ZNF343: variants seen among roughly 807,000 people sequenced by gnomAD.
The protein encoded by ZNF343 is zinc finger protein 343.
Under a neutral mutation model 13.8 loss-of-function variants are expected in ZNF343, and 11 were observed. That is an observed-to-expected ratio of 0.80 (90% CI 0.50 to 1.32). The LOEUF is 1.32. Ranked by LOEUF, ZNF343 falls within the 40% of genes most tolerant of loss-of-function variation. The pLI is 0.00. For missense variants in ZNF343, 658 were observed against 714.2 expected, an observed-to-expected ratio of 0.92 and a Z score of 0.90; for synonymous variants, 248 against 260.0, an observed-to-expected ratio of 0.95 and a Z score of 0.44.
chr20:2,511,550 G>A (rs117966137), upstream of ZNF343, among the ~76,000 whole-genome samples: 8 of 152,276 alleles, frequency 5.3e-5, no homozygotes, highest in East Asian at 9.6e-4. Context: ...TATTCATCAC[G>A]TGAATAAAAT....
rs1369098373 is a variant in ZNF343, at chr20:2,481,826, T to G, written c.*1335A>C. The G allele has an allele frequency of 6.6e-6, 1 of 152,262 alleles. No individual in the cohort carries two copies. Among genetic ancestry groups the G allele is most frequent in the Non-Finnish European group, 1.5e-5 (1 of 68,056 alleles). 9.4% of individuals were successfully genotyped at this position (152,262 alleles called of 1,614,324 possible). On this transcript the variant is annotated 3_prime_UTR_variant, in exon 6 of 6. Transcript: ENST00000278772. The stretch of plus-strand genomic sequence containing the variant: ...TAAAACAAGTTGATCATTTTTTGAT[T>G]ACTTAAATAAAGCCTGCTTTTTTAT...
At position 2,493,198 on chromosome 20, in the gene ZNF343, C is replaced by T. The variant is rs79432890; in HGVS notation, c.177+321G>A. On this transcript the variant is annotated intron_variant, in intron 4 of 5. Transcript: ENST00000278772. ...GCAGAAGGAACAAAAGCATCATGGA[C>T]TTGGGGCTTGTGCTGGGCAGTAGGG... Among the ~76,000 whole-genome samples, 585 of 152,140 alleles carry T rather than the reference C, an allele frequency of 3.8e-3. 9 individuals carry two copies. Among genetic ancestry groups the T allele is most frequent in the African/African-American group, 0.014 (561 of 41,480 alleles).
At chr20:2,487,044 G>A (rs2085292322) in intron 5 of ZNF343, among the ~76,000 whole-genome samples, 1 of 152,228 alleles carries the variant, frequency 6.6e-6, no homozygotes, top group Non-Finnish European at 1.5e-5. Flanking sequence ...AACAGGCAGT[G>A]AGACAGATTT....
chr20:2,499,993 A>AT (rs1365906982), intron 2 of ZNF343, among the ~76,000 whole-genome samples: 1 of 152,198 alleles, frequency 6.6e-6, no homozygotes, highest in African/African-American at 2.4e-5. Flanking sequence ...TGGTAATATT[A>AT]TGGTTACATT....
upstream of ZNF343, among the ~76,000 whole-genome samples, chr20:2,524,925 A>G (rs537542802): frequency 1.3e-5 from 2 of 152,274 alleles, no homozygotes; most frequent in South Asian, 4.2e-4. Context: ...CCAGACGCCA[A>G]GGTCCCGGCT....
chr20:2,483,607 G>C lies in ZNF343; in HGVS notation c.1354C>G (p.Leu452Val), dbSNP rs1371972064. Reference protein sequence around the residue: ...CGRGFCDKSTLIIHERTHSGE... With the variant: ...CGRGFCDKSTVIIHERTHSGE... ...GAGTGCGTCCGCTCGTGTATGATGA[G>C]GGTTGACTTGTCACAAAAGCCTCGC... Residue 452 changes from leucine to valine, a missense_variant, in exon 6 of 6, where the codon CTC (leucine) becomes GTC (valine). Leu to Val is a conservative substitution (Grantham distance 32, BLOSUM62 1). Coordinates refer to ENST00000278772, the MANE Select transcript of ZNF343 (RefSeq NM_024325.6). The C allele has an allele frequency of 5.6e-6, 9 of 1,613,506 alleles. No individual in the cohort carries two copies. The highest frequency in any genetic ancestry group is 7.6e-6 in the Non-Finnish European group (9 of 1,179,794).
intron 2 of ZNF343, among the ~76,000 whole-genome samples, chr20:2,494,346 G>A (rs935064538): frequency 1.3e-5 from 2 of 152,132 alleles, no homozygotes; most frequent in East Asian, 3.9e-4. Context: ...CTGAGTCAGA[G>A]AGAAGACAGA....
At chr20:2,498,225 G>A (rs1174308786) in intron 2 of ZNF343, among the ~76,000 whole-genome samples, 1 of 152,110 alleles carries the variant, frequency 6.6e-6, no homozygotes, top group Non-Finnish European at 1.5e-5. Flanking sequence ...GCGTGGTGGC[G>A]CATGCCTATA....
At chr20:2,494,641 C>T (rs567243566) in intron 2 of ZNF343, among the ~76,000 whole-genome samples, 95 of 152,056 alleles carry the variant, frequency 6.2e-4, no homozygotes, top group Non-Finnish European at 1.3e-3. Context: ...TGGTGGTGTG[C>T]GCCTGTAGTC....
intron 1 of ZNF343, among the ~76,000 whole-genome samples, chr20:2,514,827 T>A (rs2085752264): frequency 6.6e-6 from 1 of 151,786 alleles, no homozygotes; most frequent in Non-Finnish European, 1.5e-5. Context: ...ACTAAGAATA[T>A]TAATACAAAA....
rs573511157 is a variant in ZNF343 at position 2,508,839 on chromosome 20, G to A, written c.-237+42C>T. On this transcript the variant is annotated intron_variant, in intron 1 of 5. Coordinates refer to ENST00000278772, the MANE Select transcript of ZNF343 (RefSeq NM_024325.6). The surrounding 1 kb of genome is among the most constrained non-coding windows in gnomAD (Gnocchi z 4.5). Reference sequence around the variant, plus strand: ...TCCCGACCCTCCTTTCCCCACGAGAGAGGGCATCCTGGGGCCAAGGAGCCG... The same window carrying A: ...TCCCGACCCTCCTTTCCCCACGAGAAAGGGCATCCTGGGGCCAAGGAGCCG... The A allele has an allele frequency of 6.6e-6, 1 of 152,400 alleles. No individual in the cohort carries two copies. The highest frequency in any genetic ancestry group is 1.9e-4 in the East Asian group (1 of 5,168). The allele number at this position is 152,400 out of a possible 1,614,324, so 9.4% of individuals were successfully genotyped here.
rs368796053 is a variant in ZNF343, at chr20:2,484,452, C to G, written c.509G>C (p.Gly170Ala). ...HVSCWFENAEGQERGGGSKPW... is the reference protein window; with the variant it reads ...HVSCWFENAEAQERGGGSKPW... ...TTTGGAGCCACCTCCTCTCTCCTGA[C>G]CTTCTGCATTTTCAAACCAACAGCT... Residue 170 changes from glycine to alanine, a missense_variant, in exon 6 of 6, where the codon GGT (glycine) becomes GCT (alanine). Physicochemically the swap from Gly to Ala is moderately conservative, Grantham distance 60. Coordinates refer to ENST00000278772, the MANE Select transcript of ZNF343 (RefSeq NM_024325.6). The G allele has an allele frequency of 2.7e-5, 44 of 1,614,212 alleles. 1 individual carries two copies. In the South Asian group the frequency reaches 4.4e-4, roughly 16 times the overall value.
At position 2,483,100 on chromosome 20, in the gene ZNF343, A is replaced by G; in HGVS notation, c.*61T>C. ...TCCCCATGTGTCTCTCTGGGGTAACATGAGGCTTGACTGGTCACTCAGGTC... is the reference window on the plus strand; with the variant it reads ...TCCCCATGTGTCTCTCTGGGGTAACGTGAGGCTTGACTGGTCACTCAGGTC... On this transcript the variant is annotated 3_prime_UTR_variant, in exon 6 of 6. Transcript: ENST00000278772. The G allele has an allele frequency of 6.5e-7, 1 of 1,537,346 alleles. No individual in the cohort carries two copies. The highest frequency in any genetic ancestry group is 2.0e-5 in the Admixed American group (1 of 50,212).
At chr20:2,506,495 C>T (rs1347998589) in intron 1 of ZNF343, among the ~76,000 whole-genome samples, 12 of 148,234 alleles carry the variant, frequency 8.1e-5, no homozygotes, top group East Asian at 3.9e-4. Context: ...CACATGCACA[C>T]GTATGTTTAT....
At chr20:2,513,209 A>G (rs1600082607), upstream of ZNF343, among the ~76,000 whole-genome samples, 1 of 152,232 alleles carries the variant, frequency 6.6e-6, no homozygotes, top group Admixed American at 6.5e-5. Flanking sequence ...TGCAAATCAT[A>G]TATCTGATAA....
intron 3 of ZNF343, 91 bp downstream of exon 3, chr20:2,493,687 C>T: frequency 2.2e-6 from 3 of 1,387,462 alleles, no homozygotes; most frequent in South Asian, 2.3e-5. Flanking sequence ...GAAGTAGTCA[C>T]TTAACTCAGA....
chr20:2,520,967 C>T (rs187245652), intron 1 of ZNF343, among the ~76,000 whole-genome samples: 3 of 152,276 alleles, frequency 2.0e-5, no homozygotes, highest in Admixed American at 6.5e-5. Flanking sequence ...AGGGAGGAAG[C>T]TTCTGGAGTG....
At chr20:2,490,235 C>T (rs1360159350) in intron 5 of ZNF343, among the ~76,000 whole-genome samples, 1 of 152,010 alleles carries the variant, frequency 6.6e-6, no homozygotes. Context: ...GATGGGGAAA[C>T]TCATTCAAGT....
chr20:2,499,089 T>G (rs1174303911), intron 2 of ZNF343, among the ~76,000 whole-genome samples: 10 of 151,982 alleles, frequency 6.6e-5, no homozygotes, highest in Admixed American at 6.6e-4. Context: ...CCTCCCAAAG[T>G]GCTGGGATTA....
Sources: gnomAD v4.1 joint callset for allele counts (sites outside exome capture counted in the v4.1 genomes callset) on GRCh38, gnomAD v4.1.1 for gene constraint, Gnocchi (gnomAD v3.1) non-coding constraint, MANE v1.5 for transcripts, NCBI Gene and HGNC (gene_info 2026-07-23, HGNC 2026-07-21) for gene names.